The following KATNAL1 variants were observed in gnomAD, a reference collection of about 807,000 sequenced individuals.
The protein encoded by KATNAL1 is katanin p60 ATPase-containing subunit A-like 1.
A neutral mutation model predicts 55.2 loss-of-function variants in KATNAL1; 32 were observed. The observed-to-expected ratio is 0.58, with a 90% confidence interval of 0.44 to 0.78. The LOEUF (loss-of-function observed/expected upper bound fraction) is 0.78, where lower values mean the gene tolerates loss of function less well. Ranked by LOEUF, KATNAL1 falls within the 30% of genes least tolerant of loss-of-function variation. The pLI, the probability that KATNAL1 is intolerant of heterozygous loss-of-function variation, is 0.00. For synonymous variants in KATNAL1, 193 were observed against 193.6 expected (o/e 1.00, Z 0.02); for missense variants, 466 against 600.9 (o/e 0.78, Z 2.35).
intron 3 of KATNAL1, among the ~76,000 whole-genome samples, chr13:30,263,746 A>T (rs1374112354): frequency 7.3e-6 from 1 of 136,414 alleles, no homozygotes; most frequent in Non-Finnish European, 1.6e-5. Flanking sequence ...AAATGGAAGA[A>T]CATTCCATGC....
intron 9 of KATNAL1, among the ~76,000 whole-genome samples, chr13:30,219,386 G>C (rs181121610): frequency 5.3e-5 from 8 of 152,066 alleles, no homozygotes; most frequent in Admixed American, 2.0e-4. Flanking sequence ...CAGTTAAAAT[G>C]CAACTTCCTC....
At chr13:30,262,396 C>T (rs1385522016) in intron 3 of KATNAL1, among the ~76,000 whole-genome samples, 11 of 151,964 alleles carry the variant, frequency 7.2e-5, no homozygotes, top group South Asian at 4.2e-4. Context: ...AATAGAGACA[C>T]AAAAAACCCT....
In KATNAL1 at chr13:30,242,185, C is replaced by T. The variant is rs189492155; in HGVS notation, c.493-1099G>A. On this transcript the variant is annotated intron_variant, in intron 4 of 10. Transcript: ENST00000380615. ...AAAAACTATTCTAGAAACGTATCAA[C>T]GAAAGAATACAACAGAAACTGACAT... Among the ~76,000 whole-genome samples, 694 of 152,142 alleles carry T rather than the reference C, an allele frequency of 4.6e-3. 2 individuals carry two copies. The highest frequency in any genetic ancestry group is 8.1e-3 in the South Asian group (39 of 4,822).
intron 1 of KATNAL1, among the ~76,000 whole-genome samples, chr13:30,285,265 A>G (rs1482585640): frequency 6.6e-6 from 1 of 152,202 alleles, no homozygotes; most frequent in Non-Finnish European, 1.5e-5. Context: ...CAAATAGTAC[A>G]CTACTAATAC....
In KATNAL1 at chr13:30,241,085, C is replaced by T. The variant is rs1877228224; in HGVS notation, c.494G>A (p.Gly165Glu). The change falls in exon 5 of 11, where the codon GGA becomes GAA. Residue 165 changes from glycine to glutamate, a missense_variant and splice_region_variant. Around this residue, in one of 3 missense-constraint regions of KATNAL1, gnomAD observed 248 missense variants for 275.5 expected, o/e 0.90. Coordinates refer to ENST00000380615, the MANE Select transcript of KATNAL1 (RefSeq NM_032116.5). ...DYRARGRDDKGRKNMQDGASD... is the reference protein window; with the variant it reads ...DYRARGRDDKERKNMQDGASD... Reference sequence around the variant, plus strand: ...TGCACCATCTTGCATATTCTTCCTTCCCTGGGGATAGGTATAAAAAAAAAG... The same window carrying T: ...TGCACCATCTTGCATATTCTTCCTTTCCTGGGGATAGGTATAAAAAAAAAG... The T allele has an allele frequency of 6.2e-7, 1 of 1,611,898 alleles. No individual in the cohort carries two copies. The highest frequency in any genetic ancestry group is 8.5e-7 in the Non-Finnish European group (1 of 1,179,496).
intron 3 of KATNAL1, among the ~76,000 whole-genome samples, chr13:30,276,564 A>G (rs1036757122): frequency 5.9e-5 from 9 of 151,746 alleles, no homozygotes; most frequent in Admixed American, 1.3e-4. Flanking sequence ...TAAATATTAT[A>G]TTTTCCTATT....
chr13:30,294,948 C>G (rs1882382522), intron 1 of KATNAL1, among the ~76,000 whole-genome samples: 1 of 152,158 alleles, frequency 6.6e-6, no homozygotes, highest in Non-Finnish European at 1.5e-5. Flanking sequence ...GTATGGCTTA[C>G]TGAATATTTT....
rs531775135 is a variant in KATNAL1 at position 30,307,394 on chromosome 13, GGCC to G, written c.-81_-79del. ...CCAGATGGGGTGCGGGTGGGGCGCA[GGCC>G]GCCGCCGCCGCCGCCGCCGAGTCCG... is the stretch of plus-strand genomic sequence containing the variant. On this transcript the variant is annotated 5_prime_UTR_variant, in exon 1 of 11. Coordinates refer to ENST00000380615, the MANE Select transcript of KATNAL1 (RefSeq NM_032116.5). 250 of 154,872 alleles carry G rather than the reference GGCC, an allele frequency of 1.6e-3. 1 individual carries two copies. Among genetic ancestry groups the G allele is most frequent in the Middle Eastern group, 6.7e-3 (2 of 300 alleles). The allele number at this position is 154,872 out of a possible 1,614,324, so 9.6% of individuals were successfully genotyped here. A position where few individuals can be genotyped will look rare whatever the true frequency, so the allele number is the denominator to read the frequency against.
intron 3 of KATNAL1, among the ~76,000 whole-genome samples, chr13:30,262,006 A>G (rs1268154967): frequency 6.6e-6 from 1 of 152,218 alleles, no homozygotes; most frequent in African/African-American, 2.4e-5. Flanking sequence ...AACAGAAATT[A>G]TAACAAACTA....
At chr13:30,250,459 A>C (rs1878192329) in intron 4 of KATNAL1, among the ~76,000 whole-genome samples, 1 of 152,170 alleles carries the variant, frequency 6.6e-6, no homozygotes, top group East Asian at 1.9e-4. Flanking sequence ...ACTAATATAC[A>C]CCACTGGCTA....
chr13:30,282,518 C>T (rs1881436348), intron 2 of KATNAL1, among the ~76,000 whole-genome samples: 1 of 151,792 alleles, frequency 6.6e-6, no homozygotes, highest in Admixed American at 6.6e-5. Context: ...TGAACCTGTC[C>T]CCCTAGCTAC....
At chr13:30,258,595 A>ATGCT (rs766086495) in intron 3 of KATNAL1, among the ~76,000 whole-genome samples, 27 of 152,248 alleles carry the variant, frequency 1.8e-4, no homozygotes, top group Non-Finnish European at 2.1e-4. Flanking sequence ...TTTATATTTA[A>ATGCT]TGCTTTAGTG....
chr13:30,277,389 A>G (rs772583477), intron 3 of KATNAL1, among the ~76,000 whole-genome samples: 7 of 152,226 alleles, frequency 4.6e-5, no homozygotes, highest in Non-Finnish European at 8.8e-5. Flanking sequence ...GAGGTTAAAT[A>G]GCTTGCTCAA....
At chr13:30,219,361 T>C (rs934015515) in intron 9 of KATNAL1, among the ~76,000 whole-genome samples, 4 of 152,306 alleles carry the variant, frequency 2.6e-5, no homozygotes, top group Admixed American at 2.0e-4. Flanking sequence ...GATTCTACTT[T>C]TCTCTATGAA....
intron 3 of KATNAL1, among the ~76,000 whole-genome samples, chr13:30,263,619 T>C (rs1441220826): frequency 6.6e-6 from 1 of 152,008 alleles, no homozygotes; most frequent in Admixed American, 6.6e-5. Flanking sequence ...TGAACTCCCA[T>C]TCACAATTGC....
chr13:30,256,199 T>G (rs1198587578), intron 3 of KATNAL1, among the ~76,000 whole-genome samples: 2 of 152,222 alleles, frequency 1.3e-5, no homozygotes, highest in Non-Finnish European at 2.9e-5. Flanking sequence ...TTTGAGAATG[T>G]CTAAAAATCA....
intron 8 of KATNAL1, among the ~76,000 whole-genome samples, chr13:30,228,888 G>A (rs556693425): frequency 6.6e-6 from 1 of 152,310 alleles, no homozygotes; most frequent in Admixed American, 6.5e-5. Context: ...GAGTAGCTGG[G>A]ACTACAGGCA....
rs1882474216 is a variant in KATNAL1 at position 30,296,145 on chromosome 13, T to C, written c.-15+11186A>G. 2.8e-5 allele frequency: 14 copies of C among 498,956 alleles called. No homozygotes were observed. The South Asian group carries it at 3.1e-4, about 11-fold the overall frequency. 30.9% of individuals were successfully genotyped at this position (498,956 alleles called of 1,614,324 possible). On this transcript the variant is annotated intron_variant, in intron 1 of 10. Transcript: ENST00000380615. ...GCCTTTGCCCACACAGCTTGTTCAG[T>C]CATGGCCTCAGGTAATGCGTGCATG...
At chr13:30,259,391 G>C (rs1199196667) in intron 3 of KATNAL1, among the ~76,000 whole-genome samples, 1 of 151,968 alleles carries the variant, frequency 6.6e-6, no homozygotes, top group Non-Finnish European at 1.5e-5. Context: ...AATAGGAACA[G>C]CTCCGGTCTA....
Sources: allele counts gnomAD v4.1 joint callset (sites outside exome capture counted in the v4.1 genomes callset), GRCh38; gene constraint gnomAD v4.1.1; regional missense constraint gnomAD v4.1.1; transcripts MANE v1.5; gene names NCBI Gene and HGNC (gene_info 2026-07-23, HGNC 2026-07-21).